SLC10A7: variants seen among roughly 807,000 people sequenced by gnomAD.
The protein encoded by SLC10A7 is solute carrier family 10 member 7.
A neutral mutation model predicts 43.2 loss-of-function variants in SLC10A7; 29 were observed. That is an observed-to-expected ratio of 0.67 (90% CI 0.50 to 0.92). The LOEUF (loss-of-function observed/expected upper bound fraction) is 0.92. Among genes scored for constraint, SLC10A7 ranks in the 40% least tolerant of loss-of-function variants. SLC10A7 has a pLI of 0.00. For synonymous variants in SLC10A7, 152 were observed against 144.8 expected, an observed-to-expected ratio of 1.05 and a Z score of -0.35; for missense variants, 295 against 403.2, an observed-to-expected ratio of 0.73 and a Z score of 2.30.
At chr4:146,372,872 A>C (rs1375798354) in intron 5 of SLC10A7, among the ~76,000 whole-genome samples, 1 of 152,208 alleles carries the variant, frequency 6.6e-6, no homozygotes, top group Admixed American at 6.5e-5. Flanking sequence ...TAGCAATATA[A>C]ATTATGAAAT....
chr4:146,340,077 A>T (rs867269536), intron 5 of SLC10A7, among the ~76,000 whole-genome samples: 7 of 151,960 alleles, frequency 4.6e-5, no homozygotes, highest in African/African-American at 1.4e-4. Flanking sequence ...CAATGACACC[A>T]ATTTTAAACA....
chr4:146,381,254 C>T (rs1178427580), intron 5 of SLC10A7, among the ~76,000 whole-genome samples: 1 of 152,116 alleles, frequency 6.6e-6, no homozygotes, highest in African/African-American at 2.4e-5. Context: ...TAAAACAGAG[C>T]AACAAGTATC....
chr4:146,481,488 T>A (rs750185747), intron 4 of SLC10A7, among the ~76,000 whole-genome samples: 1 of 152,086 alleles, frequency 6.6e-6, no homozygotes, highest in Non-Finnish European at 1.5e-5. Flanking sequence ...AGTCACCTCA[T>A]CCCCCAGAGC....
intron 4 of SLC10A7, among the ~76,000 whole-genome samples, chr4:146,463,862 T>G (rs898468495): frequency 6.6e-6 from 1 of 151,624 alleles, no homozygotes; most frequent in African/African-American, 2.4e-5. Context: ...CTCACCCTTT[T>G]GCCCAAGCTA....
chr4:146,390,424 T>C (rs1046600844), intron 5 of SLC10A7, among the ~76,000 whole-genome samples: 2 of 151,162 alleles, frequency 1.3e-5, no homozygotes, highest in Non-Finnish European at 2.9e-5. Flanking sequence ...AGCTCAGGAG[T>C]TCAAGACCAA....
chr4:146,449,602 C>T (rs1731404565), intron 4 of SLC10A7, among the ~76,000 whole-genome samples: 1 of 152,068 alleles, frequency 6.6e-6, no homozygotes, highest in East Asian at 1.9e-4. Flanking sequence ...CTCTCTCATT[C>T]ATTTCTCCTC....
chr4:146,480,274 G>A (rs923193742), intron 4 of SLC10A7, among the ~76,000 whole-genome samples: 2 of 151,578 alleles, frequency 1.3e-5, no homozygotes, highest in Non-Finnish European at 2.9e-5. Flanking sequence ...TAGTTCCAAT[G>A]TTAAATGTCC....
chr4:146,324,741 G>T (rs1732986216), intron 6 of SLC10A7, among the ~76,000 whole-genome samples: 1 of 152,096 alleles, frequency 6.6e-6, no homozygotes, highest in South Asian at 2.1e-4. Flanking sequence ...GTAGCAGGTA[G>T]TTACATAATA....
rs140243333 is a variant in SLC10A7 at position 146,279,362 on chromosome 4, G to T, written c.847+3830C>A. On this transcript the variant is annotated intron_variant, in intron 10 of 11. Coordinates refer to ENST00000335472, the MANE Select transcript of SLC10A7 (RefSeq NM_001029998.6). The stretch of plus-strand genomic sequence containing the variant: ...CTCAAGAGAAAAAGATAAATAAGAT[G>T]GTAGTAAAATGCCAATTCTACAGGA... Among the ~76,000 whole-genome samples the T allele has an allele frequency of 4.2e-3, 643 of 152,174 alleles. 2 individuals carry two copies. The highest frequency in any genetic ancestry group is 0.014 in the African/African-American group (589 of 41,544).
At chr4:146,484,514 T>G (rs918490008) in intron 4 of SLC10A7, among the ~76,000 whole-genome samples, 1 of 151,664 alleles carries the variant, frequency 6.6e-6, no homozygotes, top group Non-Finnish European at 1.5e-5. Context: ...AAGTCAAACA[T>G]AGAGAGATAG....
At chr4:146,430,541 TA>T (rs905990028) in intron 5 of SLC10A7, among the ~76,000 whole-genome samples, 1 of 151,924 alleles carries the variant, frequency 6.6e-6, no homozygotes, top group Non-Finnish European at 1.5e-5. Flanking sequence ...GGCTGAATAA[TA>T]AAAAAACCAA....
At chr4:146,385,602 C>A (rs1202300235) in intron 5 of SLC10A7, among the ~76,000 whole-genome samples, 1 of 151,986 alleles carries the variant, frequency 6.6e-6, no homozygotes, top group Non-Finnish European at 1.5e-5. Context: ...TTTTTTAACT[C>A]GAAATAACTT....
chr4:146,410,903 G>A (rs1032506821), intron 5 of SLC10A7, among the ~76,000 whole-genome samples: 3 of 151,892 alleles, frequency 2.0e-5, no homozygotes, highest in African/African-American at 7.3e-5. Flanking sequence ...GCATGATCTC[G>A]GCTCACTGCA....
chr4:146,316,161 A>G (rs899763219), intron 6 of SLC10A7, among the ~76,000 whole-genome samples: 1 of 152,118 alleles, frequency 6.6e-6, no homozygotes, highest in Non-Finnish European at 1.5e-5. Context: ...CCTCACAGAC[A>G]GGAACTCCAT....
intron 10 of SLC10A7, among the ~76,000 whole-genome samples, chr4:146,275,075 A>G (rs1729123426): frequency 6.6e-6 from 1 of 152,146 alleles, no homozygotes; most frequent in Non-Finnish European, 1.5e-5. Flanking sequence ...TGGCTTTCAA[A>G]CTTTAATGTG....
chr4:146,357,260 T>G (rs1735724873), intron 5 of SLC10A7, among the ~76,000 whole-genome samples: 1 of 152,226 alleles, frequency 6.6e-6, no homozygotes, highest in Non-Finnish European at 1.5e-5. Context: ...TTATTCCTTA[T>G]TTTTAAGTGG....
chr4:146,401,114 G>A (rs546805158), intron 5 of SLC10A7, among the ~76,000 whole-genome samples: 1 of 152,256 alleles, frequency 6.6e-6, no homozygotes, highest in East Asian at 1.9e-4. Flanking sequence ...AGGAGCATCA[G>A]CTGAAGTCAT....
chr4:146,300,891 A>G (rs1026363315), intron 7 of SLC10A7, among the ~76,000 whole-genome samples: 18 of 152,190 alleles, frequency 1.2e-4, no homozygotes, highest in Non-Finnish European at 2.5e-4. Context: ...ATGGCAACCT[A>G]GGGAAAATTA....
chr4:146,363,010 C>T (rs769700059), intron 5 of SLC10A7, among the ~76,000 whole-genome samples: 2 of 151,940 alleles, frequency 1.3e-5, no homozygotes, highest in African/African-American at 4.8e-5. Flanking sequence ...TAAGTGCTTA[C>T]CTATAAATAA....
Sources: gnomAD v4.1 joint callset for allele counts (sites outside exome capture counted in the v4.1 genomes callset) on GRCh38, gnomAD v4.1.1 for gene constraint, MANE v1.5 for transcripts, NCBI Gene and HGNC (gene_info 2026-07-23, HGNC 2026-07-21) for gene names.